The following GRIP1 variants were observed in gnomAD, a reference collection of about 807,000 sequenced individuals.
GRIP1 encodes glutamate receptor interacting protein 1, also known as glutamate receptor-interacting protein 1.
In GRIP1, 45 loss-of-function variants were observed where a neutral mutation model predicts 129.9. That is an observed-to-expected ratio of 0.35 (90% CI 0.27 to 0.44). GRIP1 has a LOEUF of 0.44. Among genes scored for constraint, GRIP1 ranks in the 20% least tolerant of loss-of-function variants. The probability of loss-of-function intolerance (pLI) is 1.00; values close to 1 mark genes in which losing one functional copy is unlikely to be tolerated. For synonymous variants in GRIP1, 530 were observed against 520.8 expected (o/e 1.02, Z -0.24); for missense variants, 1,196 against 1,396.8 (o/e 0.86, Z 2.29).
At chr12:66,463,128 G>A (rs367753462) in intron 8 of GRIP1, 35 bp from the exon 9 acceptor site, 25 of 1,549,744 alleles carry the variant, frequency 1.6e-5, no homozygotes, top group Middle Eastern at 1.7e-4. Context: ...AAGAGGCAGT[G>A]CCTTCCTCTT....
At chr12:66,981,724 T>C (rs1163857911) in intron 1 of GRIP1, among the ~76,000 whole-genome samples, 7 of 152,204 alleles carry the variant, frequency 4.6e-5, no homozygotes, top group Non-Finnish European at 8.8e-5. Flanking sequence ...CTACAATTTT[T>C]CAAAAATAAA....
At chr12:66,656,824 T>G (rs76595782) in intron 1 of GRIP1, among the ~76,000 whole-genome samples, 6,821 of 152,238 alleles carry the variant, frequency 0.045, 200 homozygotes, top group East Asian at 0.12. Flanking sequence ...CTCAGATACT[T>G]TTAAGAAATG....
chr12:66,583,817 A>G (rs1269079369), intron 2 of GRIP1, among the ~76,000 whole-genome samples: 2 of 134,664 alleles, frequency 1.5e-5, no homozygotes, highest in African/African-American at 5.4e-5. Context: ...GTGGGACTGT[A>G]AACTAGTTCA....
chr12:66,349,940 C>A (rs2054146543), intron 24 of GRIP1, among the ~76,000 whole-genome samples: 2 of 152,116 alleles, frequency 1.3e-5, no homozygotes, highest in Non-Finnish European at 1.5e-5. Flanking sequence ...GCCGGTTCTA[C>A]TCCTTGATCT....
In GRIP1 at chr12:66,521,153, T is replaced by A. The variant is rs577050229; in HGVS notation, c.503-3177A>T. 1.3e-4 allele frequency among the ~76,000 whole-genome samples: 20 copies of A among 152,324 alleles called. No individual in the cohort carries two copies. In the South Asian group the frequency reaches 3.9e-3, roughly 30 times the overall value. On this transcript the variant is annotated intron_variant, in intron 5 of 24. Transcript: ENST00000359742. ...CTCTACTACTCACTTGAGCACTCTA[T>A]CAACTTTTGTCTTAAATTCACTGGA...
At chr12:66,770,642 T>C (rs375962209) in intron 1 of GRIP1, among the ~76,000 whole-genome samples, 4 of 152,092 alleles carry the variant, frequency 2.6e-5, no homozygotes, top group Non-Finnish European at 5.9e-5. Context: ...ACATGGGCAA[T>C]GAAGCTTGAA....
rs58501618 is a variant in GRIP1, at chr12:66,437,704, C to T, written c.1688-5076G>A. ...ACTTAGATACTGCTTATGAAGAAGACTAAATTGTGCTGGTAATTTGACAAC... is the reference window on the plus strand; with the variant it reads ...ACTTAGATACTGCTTATGAAGAAGATTAAATTGTGCTGGTAATTTGACAAC... On this transcript the variant is annotated intron_variant, in intron 13 of 24. Coordinates refer to ENST00000359742, the MANE Select transcript of GRIP1 (RefSeq NM_001366722.1). Among the ~76,000 whole-genome samples, 919 of 152,186 alleles carry T rather than the reference C, an allele frequency of 6.0e-3. 12 individuals carry two copies. Among genetic ancestry groups the T allele is most frequent in the African/African-American group, 0.021 (882 of 41,440 alleles).
intron 1 of GRIP1, among the ~76,000 whole-genome samples, chr12:66,787,343 A>G (rs2038381858): frequency 6.7e-6 from 1 of 150,260 alleles, no homozygotes; most frequent in Non-Finnish European, 1.5e-5. Flanking sequence ...ATTTTAAACA[A>G]TATTTAGCAA....
At chr12:66,805,259 C>T (rs2038965983), upstream of GRIP1, among the ~76,000 whole-genome samples, 1 of 152,124 alleles carries the variant, frequency 6.6e-6, no homozygotes, top group Non-Finnish European at 1.5e-5. Flanking sequence ...ACATGCTGTT[C>T]ATCCTTTATC....
At chr12:66,442,996 G>A (rs768493938) in intron 13 of GRIP1, among the ~76,000 whole-genome samples, 11 of 152,202 alleles carry the variant, frequency 7.2e-5, no homozygotes, top group Non-Finnish European at 1.5e-4. Context: ...GTAAATATTT[G>A]TTGGAATAAT....
chr12:66,993,467 A>T (rs2042423166), intron 1 of GRIP1, among the ~76,000 whole-genome samples: 1 of 152,040 alleles, frequency 6.6e-6, no homozygotes, highest in South Asian at 2.1e-4. Flanking sequence ...ACATTGACCA[A>T]GAAAAAAAAA....
rs557258340 is a variant in GRIP1, at chr12:66,781,089, C to T, written c.-420+22964G>A. On this transcript the variant is annotated intron_variant, in intron 1 of 4. Coordinates refer to the GRIP1 transcript ENST00000538373. ...GAGTTTGTTACCCAGCAGGTAACGG[C>T]GATACCACAGTTTTAATTAAATATT... Among the ~76,000 whole-genome samples, 6 of 152,142 alleles carry T rather than the reference C, an allele frequency of 3.9e-5. No individual in the cohort carries two copies. In the South Asian group the frequency reaches 6.2e-4, roughly 16 times the overall value.
chr12:66,613,615 G>A (rs1217540316), intron 1 of GRIP1, among the ~76,000 whole-genome samples: 2 of 152,072 alleles, frequency 1.3e-5, no homozygotes, highest in Non-Finnish European at 2.9e-5. Context: ...TGAAAAAAAA[G>A]AACTTTCCGA....
intron 1 of GRIP1, among the ~76,000 whole-genome samples, chr12:66,744,879 C>T (rs984540381): frequency 3.3e-5 from 5 of 152,262 alleles, no homozygotes; most frequent in African/African-American, 4.8e-5. Flanking sequence ...CTGACATTTA[C>T]TAAATGTGTA....
chr12:66,403,441 A>T (rs1325947663), intron 16 of GRIP1, among the ~76,000 whole-genome samples: 1 of 152,202 alleles, frequency 6.6e-6, no homozygotes, highest in East Asian at 1.9e-4. Context: ...AATAAAAATG[A>T]ATTCAGATAC....
rs149734121 is a variant in GRIP1 at position 67,016,988 on chromosome 12, T to A, written c.58+52062A>T. ...ATTTTTAATAACCTAAGAACATCAG[T>A]GCTGGTGCTTCTGTCTTCCACTCTC... On this transcript the variant is annotated intron_variant, in intron 1 of 1. Transcript: ENST00000643019. Among the ~76,000 whole-genome samples the A allele has an allele frequency of 6.4e-3, 972 of 152,310 alleles. 27 individuals carry two copies. The highest frequency in any genetic ancestry group is 0.045 in the Admixed American group (692 of 15,284).
chr12:66,827,617 A>G (rs1393780390), intron 1 of GRIP1, among the ~76,000 whole-genome samples: 1 of 152,160 alleles, frequency 6.6e-6, no homozygotes, highest in East Asian at 1.9e-4. Context: ...GACAGGTGCT[A>G]TGCAGGCCAC....
intron 1 of GRIP1, among the ~76,000 whole-genome samples, chr12:66,789,837 C>G (rs7131762): frequency 6.6e-6 from 1 of 151,974 alleles, no homozygotes; most frequent in Non-Finnish European, 1.5e-5. Context: ...TTACAAGGAA[C>G]ATGCAAATTC....
At chr12:66,966,146 C>A (rs2041995938) in intron 1 of GRIP1, among the ~76,000 whole-genome samples, 1 of 152,036 alleles carries the variant, frequency 6.6e-6, no homozygotes, top group Non-Finnish European at 1.5e-5. Flanking sequence ...AAGGAGAAAT[C>A]AAAGAATTGC....
Sources: gnomAD v4.1 joint callset for allele counts (sites outside exome capture counted in the v4.1 genomes callset) on GRCh38, gnomAD v4.1.1 for gene constraint, MANE v1.5 for transcripts, NCBI Gene and HGNC (gene_info 2026-07-23, HGNC 2026-07-21) for gene names.